Variants in CPLANE1 observed in about 807,000 individuals in gnomAD.
The protein encoded by CPLANE1 is ciliogenesis and planar polarity effector 1.
CPLANE1 carries 263 observed loss-of-function variants against 362.5 expected under a neutral mutation model. That is an observed-to-expected ratio of 0.73 (90% CI 0.66 to 0.80). The LOEUF is 0.80. CPLANE1 is among the 30% of genes least tolerant of loss of function. The probability of loss-of-function intolerance (pLI) is 0.00; values close to 1 mark genes in which losing one functional copy is unlikely to be tolerated. For missense variants in CPLANE1, 3,461 were observed against 3,793.4 expected, an observed-to-expected ratio of 0.91 and a Z score of 2.30; for synonymous variants, 1,212 against 1,302.6, an observed-to-expected ratio of 0.93 and a Z score of 1.50.
At chr5:37,179,994 AT>A (rs1782214430) in intron 28 of CPLANE1, 22 bp downstream of exon 28, 1 of 1,499,642 alleles carries the variant, frequency 6.7e-7, no homozygotes, top group African/African-American at 1.4e-5. Context: ...AGCCAAAAAA[AT>A]AGATTATCTA....
chr5:37,187,015 C>G (rs965890799), intron 23 of CPLANE1, among the ~76,000 whole-genome samples: 2 of 136,484 alleles, frequency 1.5e-5, no homozygotes, highest in Non-Finnish European at 3.0e-5. Context: ...GAGCCGAGAT[C>G]GCGCCACTGC....
At chr5:37,159,272 CGGCT>C (rs1561444162) in intron 38 of CPLANE1, among the ~76,000 whole-genome samples, 1 of 147,754 alleles carries the variant, frequency 6.8e-6, no homozygotes, top group African/African-American at 2.5e-5. Context: ...CCACCGCGCC[CGGCT>C]AATTTTTTGT....
the CPLANE1 span, among the ~76,000 whole-genome samples, chr5:37,092,644 A>T: frequency 3.0e-4 from 45 of 152,292 alleles, 1 homozygote; most frequent in East Asian, 8.1e-3. Flanking sequence ...TTCCCCTATG[A>T]TTTGGGCCAA....
intron 31 of CPLANE1, 73 bp downstream of exon 31, chr5:37,175,836 G>T: frequency 2.0e-6 from 2 of 1,009,098 alleles, no homozygotes; most frequent in Non-Finnish European, 1.5e-6. Context: ...AAATGGTACA[G>T]TCGGCATACT....
chr5:37,144,159 C>G (rs904155776), intron 43 of CPLANE1, among the ~76,000 whole-genome samples: 1 of 151,480 alleles, frequency 6.6e-6, no homozygotes, highest in African/African-American at 2.4e-5. Flanking sequence ...CTTGTAATCC[C>G]AGCACTTTGG....
In CPLANE1 at chr5:37,227,279, T is replaced by C; in HGVS notation, c.1485A>G (p.Ala495=). The change falls in exon 11 of 53, where the codon GCA becomes GCG. Residue 495 remains alanine, a synonymous_variant. Coordinates refer to ENST00000651892, the MANE Select transcript of CPLANE1 (RefSeq NM_001384732.1). ...CTGCATTTTCATTTATTGTTTCTTC[T>C]GCCTGCAAGAATTTGGGGACAGTGA... ...ADFTVPKFLQ[A]EETINENAAD... 1 of 1,552,140 alleles carries C rather than the reference T, an allele frequency of 6.4e-7. No individual in the cohort carries two copies. Among genetic ancestry groups the C allele is most frequent in the Non-Finnish European group, 8.7e-7 (1 of 1,147,028 alleles).
intron 50 of CPLANE1, among the ~76,000 whole-genome samples, chr5:37,117,627 G>A (rs1761403852): frequency 6.6e-6 from 1 of 152,166 alleles, no homozygotes; most frequent in African/African-American, 2.4e-5. Context: ...AAGCTGCTGA[G>A]CAGCACAGGT....
chr5:37,101,706 T>C (rs535619420), downstream of CPLANE1, among the ~76,000 whole-genome samples: 7 of 151,364 alleles, frequency 4.6e-5, no homozygotes, highest in African/African-American at 1.7e-4. Flanking sequence ...TCTGATACAA[T>C]TCAGCTATAA....
the CPLANE1 span, among the ~76,000 whole-genome samples, chr5:37,097,977 G>C: frequency 6.6e-6 from 1 of 152,068 alleles, no homozygotes; most frequent in African/African-American, 2.4e-5. Context: ...TTCATCAACA[G>C]AATATTGCAT....
chr5:37,127,203 T>C (rs772347549), intron 46 of CPLANE1, among the ~76,000 whole-genome samples: 19 of 152,196 alleles, frequency 1.2e-4, no homozygotes, highest in Non-Finnish European at 2.6e-4. Flanking sequence ...GGATAAATTA[T>C]AGCCATGAAA....
chr5:37,219,684 G>C (rs1157204038), intron 15 of CPLANE1, among the ~76,000 whole-genome samples: 1 of 152,012 alleles, frequency 6.6e-6, no homozygotes, highest in Non-Finnish European at 1.5e-5. Context: ...ATTTAAAATA[G>C]TAAATACATG....
chr5:37,167,739 T>C (rs1778672119), intron 34 of CPLANE1, among the ~76,000 whole-genome samples: 1 of 152,178 alleles, frequency 6.6e-6, no homozygotes, highest in Non-Finnish European at 1.5e-5. Flanking sequence ...GATGGCGCCA[T>C]TACACTCCAG....
rs1201567889 is a variant in CPLANE1 at position 37,245,847 on chromosome 5, TAA to T, written c.82-4_82-3del. ...CAAAAGAAAAACGGCTTCTTTTTCC[TAA>T]GAGAAGAAACATGTGAAGGACTCAA... is the stretch of plus-strand genomic sequence containing the variant. On this transcript the variant is annotated splice_region_variant and splice_polypyrimidine_tract_variant and intron_variant, in intron 2 of 52. Transcript: ENST00000651892. 3 of 1,512,504 alleles carry T rather than the reference TAA, an allele frequency of 2.0e-6. No individual in the cohort carries two copies. The highest frequency in any genetic ancestry group is 2.5e-5 in the East Asian group (1 of 40,378). The allele number at this position is 1,512,504 out of a possible 1,614,324, so 93.7% of individuals were successfully genotyped here.
Position 37,238,865 on chromosome 5 carries a change from T to C in CPLANE1, c.930A>G (p.Thr310=), listed in dbSNP as rs1799652492. Residue 310 remains threonine (T), a synonymous_variant, in exon 8 of 53, where the codon ACA becomes ACG. Transcript: ENST00000651892. ...CSNKSPVVPA[T]LIRSYWVGDI... ...GACAAAAGAGTTCTTACCTAATAAG[T>C]GTAGCTGGAACCACGGGACTCTTGT... 10 of 1,505,498 alleles carry C rather than the reference T, an allele frequency of 6.6e-6. No individual in the cohort carries two copies. The Admixed American group carries it at 9.2e-5, about 14-fold the overall frequency. The allele number at this position is 1,505,498 out of a possible 1,614,324, so 93.3% of individuals were successfully genotyped here.
intron 43 of CPLANE1, among the ~76,000 whole-genome samples, chr5:37,146,524 G>A (rs868210966): frequency 5.3e-5 from 8 of 152,122 alleles, no homozygotes; most frequent in African/African-American, 1.9e-4. Context: ...TTTGAACTCT[G>A]ATTAGATATA....
chr5:37,104,744 T>TA (rs544136236), downstream of CPLANE1, among the ~76,000 whole-genome samples: 4,109 of 142,464 alleles, frequency 0.029, 75 homozygotes, highest in South Asian at 0.043. Context: ...CATCTCTACT[T>TA]AAAAAAAAAA....
At chr5:37,188,423 G>A (rs1323137715) in intron 21 of CPLANE1, among the ~76,000 whole-genome samples, 1 of 152,196 alleles carries the variant, frequency 6.6e-6, no homozygotes, top group Non-Finnish European at 1.5e-5. Context: ...CAACGGGGTG[G>A]TGTAGGCTCT....
chr5:37,243,004 T>C lies in CPLANE1; in HGVS notation c.677+9A>G. On this transcript the variant is annotated intron_variant, in intron 6 of 52. Coordinates refer to ENST00000651892, the MANE Select transcript of CPLANE1 (RefSeq NM_001384732.1). The stretch of plus-strand genomic sequence containing the variant: ...AGTAAGAAAAGGAAGAAGAAAACAT[T>C]TACCTCACCTTACAGATGTAAATAC... The C allele has an allele frequency of 6.6e-7, 1 of 1,509,298 alleles. No individual in the cohort carries two copies. Among genetic ancestry groups the C allele is most frequent in the Non-Finnish European group, 8.9e-7 (1 of 1,121,250 alleles). The allele number at this position is 1,509,298 out of a possible 1,614,324, so 93.5% of individuals were successfully genotyped here. A position where few individuals can be genotyped will look rare whatever the true frequency, so the allele number is the denominator to read the frequency against.
At chr5:37,093,430 AACAAC>A in the CPLANE1 span, among the ~76,000 whole-genome samples, 1 of 152,176 alleles carries the variant, frequency 6.6e-6, no homozygotes, top group African/African-American at 2.4e-5. Flanking sequence ...GATGAGGTGA[AACAAC>A]ACCTCTGGGG....
Sources: gnomAD v4.1 joint callset for allele counts (sites outside exome capture counted in the v4.1 genomes callset) on GRCh38, gnomAD v4.1.1 for gene constraint, MANE v1.5 for transcripts, NCBI Gene and HGNC (gene_info 2026-07-23, HGNC 2026-07-21) for gene names.